Variants in PAPPA2 observed in about 807,000 individuals in gnomAD.
PAPPA2 encodes the protein pappalysin 2.
Under a neutral mutation model 176.4 loss-of-function variants are expected in PAPPA2, and 86 were observed. The ratio of observed to expected loss-of-function variants is 0.49; its 90% CI spans 0.41 to 0.58. The LOEUF (loss-of-function observed/expected upper bound fraction) is 0.58. Among genes scored for constraint, PAPPA2 ranks in the 20% least tolerant of loss-of-function variants. The probability of loss-of-function intolerance (pLI) is 0.00; values close to 1 mark genes in which losing one functional copy is unlikely to be tolerated. For synonymous variants in PAPPA2, 809 were observed against 852.2 expected (o/e 0.95, Z 0.88); for missense variants, 2,073 against 2,256.9 (o/e 0.92, Z 1.65).
At chr1:176,607,547 T>G (rs976140047) in intron 3 of PAPPA2, among the ~76,000 whole-genome samples, 1 of 152,202 alleles carries the variant, frequency 6.6e-6, no homozygotes, top group Non-Finnish European at 1.5e-5. Flanking sequence ...TTTCATTCCT[T>G]TTTGTGGCTG....
intron 17 of PAPPA2, among the ~76,000 whole-genome samples, chr1:176,787,344 C>T (rs907045048): frequency 3.3e-5 from 5 of 151,964 alleles, no homozygotes; most frequent in Admixed American, 1.3e-4. Context: ...AAGCCATCCT[C>T]CCACCTCAGC....
At chr1:176,688,160 G>T (rs1246594070) in intron 4 of PAPPA2, among the ~76,000 whole-genome samples, 2 of 152,192 alleles carry the variant, frequency 1.3e-5, no homozygotes. Context: ...TTACTTAGAA[G>T]TGGTGGGAAA....
At chr1:176,611,383 A>T (rs369257527) in intron 3 of PAPPA2, among the ~76,000 whole-genome samples, 1 of 152,252 alleles carries the variant, frequency 6.6e-6, no homozygotes, top group African/African-American at 2.4e-5. Context: ...ACAGTCCAAT[A>T]TTAAAATGAT....
intron 1 of PAPPA2, among the ~76,000 whole-genome samples, chr1:176,547,650 AG>A (rs1275243549): frequency 6.6e-6 from 1 of 152,204 alleles, no homozygotes; most frequent in Non-Finnish European, 1.5e-5. Context: ...ATTTTGGACC[AG>A]ATAATTATTT....
At chr1:176,831,087 TTTTG>T (rs961888949) in intron 21 of PAPPA2, among the ~76,000 whole-genome samples, 4 of 152,164 alleles carry the variant, frequency 2.6e-5, no homozygotes, top group South Asian at 2.1e-4. Flanking sequence ...TTTTTTCGGT[TTTTG>T]TTTGTTTGTT....
chr1:176,562,442 CAA>C (rs1651731315), intron 2 of PAPPA2, among the ~76,000 whole-genome samples: 1 of 152,180 alleles, frequency 6.6e-6, no homozygotes, highest in South Asian at 2.1e-4. Flanking sequence ...GGTGAAGAGA[CAA>C]ATCTATACTT....
chr1:176,761,441 G>C (rs1293759814), intron 14 of PAPPA2, among the ~76,000 whole-genome samples: 1 of 152,064 alleles, frequency 6.6e-6, no homozygotes, highest in Non-Finnish European at 1.5e-5. Flanking sequence ...AAAGAGAGAG[G>C]GTATTGCCAA....
intron 1 of PAPPA2, among the ~76,000 whole-genome samples, chr1:176,471,563 C>G (rs1171242426): frequency 6.6e-6 from 1 of 152,138 alleles, no homozygotes; most frequent in Non-Finnish European, 1.5e-5. Context: ...ATCAGAAGCC[C>G]TCCATGTATT....
chr1:176,530,835 T>G (rs1308879350), intron 1 of PAPPA2, among the ~76,000 whole-genome samples: 1 of 152,234 alleles, frequency 6.6e-6, no homozygotes, highest in Admixed American at 6.5e-5. Flanking sequence ...GGGGTTGAAT[T>G]GGTATGGAAA....
intron 1 of PAPPA2, among the ~76,000 whole-genome samples, chr1:176,495,528 A>G (rs954960049): frequency 3.4e-5 from 5 of 148,958 alleles, no homozygotes; most frequent in African/African-American, 1.2e-4. Flanking sequence ...AACAAGTGAA[A>G]CTCTGTTTCA....
chr1:176,542,643 G>T (rs1650423310), intron 1 of PAPPA2, among the ~76,000 whole-genome samples: 3 of 152,152 alleles, frequency 2.0e-5, no homozygotes, highest in African/African-American at 7.2e-5. Flanking sequence ...GCCCCTACTG[G>T]ACAGGATCTC....
chr1:176,641,145 G>A (rs1384786656), intron 3 of PAPPA2, among the ~76,000 whole-genome samples: 1 of 151,168 alleles, frequency 6.6e-6, no homozygotes, highest in East Asian at 2.0e-4. Context: ...TAGGTTGCCT[G>A]TTCACTCTGG....
rs183050770 is a variant in PAPPA2 at position 176,793,428 on chromosome 1, C to T, written c.5021-132C>T. 1.3e-4 allele frequency: 91 copies of T among 721,382 alleles called. No homozygotes were observed. The African/African-American group carries it at 1.5e-3, about 12-fold the overall frequency. The allele number at this position is 721,382 out of a possible 1,614,324, so 44.7% of individuals were successfully genotyped here. A position where few individuals can be genotyped will look rare whatever the true frequency, so the allele number is the denominator to read the frequency against. On this transcript the variant is annotated intron_variant, in intron 19 of 22. Coordinates refer to ENST00000367662, the MANE Select transcript of PAPPA2 (RefSeq NM_020318.3). ...CACAGTAGATGAATATCAGCCCTGC[C>T]TACAACGTCATAATATGGTGACCCA...
At chr1:176,617,929 C>T (rs1338537893) in intron 3 of PAPPA2, among the ~76,000 whole-genome samples, 1 of 152,036 alleles carries the variant, frequency 6.6e-6, no homozygotes, top group Non-Finnish European at 1.5e-5. Flanking sequence ...ATCAGGACAT[C>T]TTATTGGTTG....
At chr1:176,781,188 G>T (rs1463553650) in intron 17 of PAPPA2, among the ~76,000 whole-genome samples, 1 of 152,016 alleles carries the variant, frequency 6.6e-6, no homozygotes, top group Non-Finnish European at 1.5e-5. Context: ...TCAGACCTAG[G>T]GACCAGGCAT....
intron 1 of PAPPA2, among the ~76,000 whole-genome samples, chr1:176,519,476 A>G (rs1223856939): frequency 6.6e-6 from 1 of 152,180 alleles, no homozygotes; most frequent in African/African-American, 2.4e-5. Flanking sequence ...TTCCCAGTGT[A>G]TATCATTTTT....
chr1:176,600,000 C>G (rs907322141), intron 3 of PAPPA2, among the ~76,000 whole-genome samples: 3 of 151,924 alleles, frequency 2.0e-5, no homozygotes, highest in Non-Finnish European at 4.4e-5. Context: ...TGTGTTGAAT[C>G]TTTATTATTA....
intron 22 of PAPPA2, among the ~76,000 whole-genome samples, chr1:176,841,882 A>T (rs1667502475): frequency 6.6e-6 from 1 of 152,170 alleles, no homozygotes; most frequent in South Asian, 2.1e-4. Context: ...GTCTGTAGCT[A>T]GTCTCGGCTT....
At chr1:176,540,836 C>T (rs1650323939) in intron 1 of PAPPA2, among the ~76,000 whole-genome samples, 1 of 152,224 alleles carries the variant, frequency 6.6e-6, no homozygotes, top group Non-Finnish European at 1.5e-5. Flanking sequence ...AAATCATCTC[C>T]CACCAGAGAC....
Sources: gnomAD v4.1 joint callset for allele counts (sites outside exome capture counted in the v4.1 genomes callset) on GRCh38, gnomAD v4.1.1 for gene constraint, MANE v1.5 for transcripts, NCBI Gene and HGNC (gene_info 2026-07-23, HGNC 2026-07-21) for gene names.